EIF5: variants seen among roughly 807,000 people sequenced by gnomAD.
The protein encoded by EIF5 is eukaryotic translation initiation factor 5.
EIF5 carries 10 observed loss-of-function variants against 48.3 expected under a neutral mutation model. The observed-to-expected ratio is 0.21, with a 90% CI of 0.13 to 0.35. EIF5 has a LOEUF of 0.35. Ranked by LOEUF, EIF5 falls within the 10% of genes least tolerant of loss-of-function variation. The pLI is 1.00. For missense variants in EIF5, 397 were observed against 533.2 expected, an observed-to-expected ratio of 0.74 and a Z score of 2.51; for synonymous variants, 237 against 173.1, an observed-to-expected ratio of 1.37 and a Z score of -2.90.
Position 103,335,781 on chromosome 14 carries a change from T to G in EIF5, c.-80T>G. On this transcript the variant is annotated 5_prime_UTR_variant, in exon 3 of 12. Coordinates refer to ENST00000216554, the MANE Select transcript of EIF5 (RefSeq NM_001969.5). ...CTCTTGCAGTCGTTTATGTCATCCC[T>G]TCTTCTCCAGACAGAAGATACCAAA... 1.0e-5 allele frequency: 14 copies of G among 1,393,428 alleles called. No homozygotes were observed. Among genetic ancestry groups the G allele is most frequent in the Non-Finnish European group, 1.4e-5 (14 of 994,020 alleles). 86.3% of individuals were successfully genotyped at this position (1,393,428 alleles called of 1,614,324 possible).
At chr14:103,340,268 C>G (rs2089337680) in intron 10 of EIF5, 159 bp from the exon 11 acceptor site, 2 of 740,962 alleles carry the variant, frequency 2.7e-6, no homozygotes, top group Non-Finnish European at 4.5e-6. Context: ...GTAGTCATAA[C>G]AGACTGCTGA....
At chr14:103,340,864 C>T in intron 11 of EIF5, 99 bp from the exon 12 acceptor site, 2 of 1,178,312 alleles carry the variant, frequency 1.7e-6, no homozygotes, top group Non-Finnish European at 1.2e-6. Flanking sequence ...GAAATAGCTG[C>T]ATCTAGGCAG....
Position 103,337,147 on chromosome 14 carries a change from A to G in EIF5, c.359A>G (p.Asn120Ser). 6.2e-7 allele frequency: 1 copy of G among 1,612,382 alleles called. No individual in the cohort carries two copies. The highest frequency in any genetic ancestry group is 1.1e-5 in the South Asian group (1 of 90,510). ...HVNPKKQTIG[N>S]SCKACGYRGM... is the part of the protein sequence containing the mutation. ...AATCCAAAGAAGCAAACAATAGGTA[A>G]TTCTTGTAAAGCCTGTGGCTATCGA... The change falls in exon 6 of 12, where the codon AAT (asparagine) becomes AGT (serine). Residue 120 changes from asparagine to serine, a missense_variant. Coordinates refer to ENST00000216554, the MANE Select transcript of EIF5 (RefSeq NM_001969.5).
Position 103,342,972 on chromosome 14 carries a change from G to A in EIF5, c.*1920G>A, listed in dbSNP as rs1357220786. On this transcript the variant is annotated 3_prime_UTR_variant, in exon 12 of 12. Coordinates refer to ENST00000216554, the MANE Select transcript of EIF5 (RefSeq NM_001969.5). ...TTAATCTGAGGGAAAACATGTTCAG[G>A]GCTTCTAGAACACTAAAAAATTTGG... The A allele has an allele frequency of 6.6e-6, 1 of 152,510 alleles. No homozygotes were observed. The highest frequency in any genetic ancestry group is 1.5e-5 in the Non-Finnish European group (1 of 68,018). 9.4% of individuals were successfully genotyped at this position (152,510 alleles called of 1,614,324 possible).
chr14:103,336,278 G>A, intron 4 of EIF5, 161 bp downstream of exon 4: 1 of 775,282 alleles, frequency 1.3e-6, no homozygotes, highest in South Asian at 1.8e-5. Context: ...AACTACCAGG[G>A]GAACGCATTT....
chr14:103,337,572 A>T, intron 6 of EIF5: 10 of 339,008 alleles, frequency 2.9e-5, no homozygotes, highest in Middle Eastern at 9.8e-4. Context: ...ACTGCACTCC[A>T]GCTTGGGCAA....
chr14:103,338,101 C>G (rs536617634), intron 6 of EIF5: 1 of 676,250 alleles, frequency 1.5e-6, no homozygotes, highest in East Asian at 2.7e-5. Context: ...TTAGCAGTTA[C>G]AATACCCCTA....
chr14:103,335,470 C>A, intron 2 of EIF5, 183 bp from the exon 3 acceptor site: 1 of 191,742 alleles, frequency 5.2e-6, no homozygotes, highest in Non-Finnish European at 1.1e-5. Flanking sequence ...AAATGGAGGC[C>A]TTTTTATGTT....
intron 10 of EIF5, 143 bp downstream of exon 10, chr14:103,339,946 C>A: frequency 1.0e-6 from 1 of 965,604 alleles, no homozygotes; most frequent in Non-Finnish European, 1.5e-6. Context: ...GAAACCTCCA[C>A]GTCCCGGCTT....
At chr14:103,340,727 G>A (rs1183382274) in intron 11 of EIF5, among the ~76,000 whole-genome samples, 166 bp downstream of exon 11, 2 of 151,914 alleles carry the variant, frequency 1.3e-5, no homozygotes, top group Non-Finnish European at 2.9e-5. Context: ...TAATAGAAAG[G>A]GTGATGGAAA....
chr14:103,344,351 T>C lies in EIF5; in HGVS notation c.*3299T>C, dbSNP rs576391011. On this transcript the variant is annotated 3_prime_UTR_variant, in exon 12 of 12. Coordinates refer to ENST00000216554, the MANE Select transcript of EIF5 (RefSeq NM_001969.5). Reference sequence around the variant, plus strand: ...TGTGCTGGGATATGAGAATAGAAGCTACAGAGTTCTTTTCTTGGGACCTAG... The same window carrying C: ...TGTGCTGGGATATGAGAATAGAAGCCACAGAGTTCTTTTCTTGGGACCTAG... The C allele has an allele frequency of 2.6e-5, 4 of 152,332 alleles. No homozygotes were observed. The South Asian group carries it at 8.3e-4, about 32-fold the overall frequency. The allele number at this position is 152,332 out of a possible 1,614,324, so 9.4% of individuals were successfully genotyped here. A position where few individuals can be genotyped will look rare whatever the true frequency, so the allele number is the denominator to read the frequency against.
chr14:103,335,730 A>T lies in EIF5; in HGVS notation c.-131A>T. On this transcript the variant is annotated 5_prime_UTR_variant, in exon 3 of 12. Transcript: ENST00000216554. Reference sequence around the variant, plus strand: ...AGAAGCTTACAGCCTCAGTGGCGAAAATTTTTTCATGTCAGAGACCGAGAA... The same window carrying T: ...AGAAGCTTACAGCCTCAGTGGCGAATATTTTTTCATGTCAGAGACCGAGAA... 1 of 1,083,490 alleles carries T rather than the reference A, an allele frequency of 9.2e-7. No homozygotes were observed. Among genetic ancestry groups the T allele is most frequent in the African/African-American group, 1.6e-5 (1 of 62,888 alleles). The allele number at this position is 1,083,490 out of a possible 1,614,324, so 67.1% of individuals were successfully genotyped here.
At chr14:103,338,148 T>C (rs2089311400) in intron 6 of EIF5, 179 bp from the exon 7 acceptor site, 8 of 858,222 alleles carry the variant, frequency 9.3e-6, no homozygotes, top group Non-Finnish European at 1.5e-5. Flanking sequence ...CTAACATTCT[T>C]ACGTATGAAA....
intron 6 of EIF5, chr14:103,338,060 T>C: frequency 3.4e-6 from 2 of 586,308 alleles, no homozygotes; most frequent in Non-Finnish European, 6.3e-6. Flanking sequence ...CTCTCCCTAG[T>C]GGAGGCATCA....
chr14:103,335,548 G>T, intron 2 of EIF5, 105 bp from the exon 3 acceptor site: 1 of 412,814 alleles, frequency 2.4e-6, no homozygotes, highest in South Asian at 3.0e-5. Flanking sequence ...TTTTAAGGTG[G>T]AGTTAAGCAG....
rs1000854467 is a variant in EIF5, at chr14:103,334,479, G to T, written c.-327G>T. ...CTCGGCGGCGGCACCTGGCCCGGCC[G>T]CTCCTCGCTGCGCTTCGCCTCCGCC... is the stretch of plus-strand genomic sequence containing the variant. On this transcript the variant is annotated 5_prime_UTR_variant, in exon 2 of 12. Coordinates refer to ENST00000216554, the MANE Select transcript of EIF5 (RefSeq NM_001969.5). 6.6e-6 allele frequency: 1 copy of T among 151,486 alleles called. No individual in the cohort carries two copies. The highest frequency in any genetic ancestry group is 1.5e-5 in the Non-Finnish European group (1 of 67,966). 9.4% of individuals were successfully genotyped at this position (151,486 alleles called of 1,614,324 possible). A position where few individuals can be genotyped will look rare whatever the true frequency, so the allele number is the denominator to read the frequency against.
In EIF5 at chr14:103,338,716, G is replaced by C; in HGVS notation, c.586-19G>C. On this transcript the variant is annotated intron_variant, in intron 7 of 11. Transcript: ENST00000216554. ...TGTTTTTAAGGCCTTTGATCAAGTA[G>C]CTCTGTTTTCATAAACAGGAAGAAG... 1 of 1,610,760 alleles carries C rather than the reference G, an allele frequency of 6.2e-7. No individual in the cohort carries two copies.
At position 103,339,770 on chromosome 14, in the gene EIF5, A is replaced by G. The variant is rs778513411; in HGVS notation, c.1038A>G (p.Leu346=). 4.3e-6 allele frequency: 7 copies of G among 1,614,086 alleles called. No individual in the cohort carries two copies. The highest frequency in any genetic ancestry group is 1.3e-5 in the African/African-American group (1 of 74,926). The change falls in exon 10 of 12, where the codon TTA becomes TTG. Residue 346 remains leucine, a synonymous_variant. Coordinates refer to ENST00000216554, the MANE Select transcript of EIF5 (RefSeq NM_001969.5). Reference sequence around the variant, plus strand: ...AGGAGATGTACGATGCAGACCTTTTAGAAGAAGAGGTCATCATCAGCTGGT... The same window carrying G: ...AGGAGATGTACGATGCAGACCTTTTGGAAGAAGAGGTCATCATCAGCTGGT... ...ILKEMYDADL[L]EEEVIISWSE... is the part of the protein sequence containing the mutation.
At chr14:103,336,217 C>G in intron 4 of EIF5, 100 bp downstream of exon 4, 2 of 1,195,928 alleles carry the variant, frequency 1.7e-6, no homozygotes, top group East Asian at 2.5e-5. Flanking sequence ...AGCTAATTAC[C>G]TTACAAGTTA....
Sources: gnomAD v4.1 joint callset for allele counts (sites outside exome capture counted in the v4.1 genomes callset) on GRCh38, gnomAD v4.1.1 for gene constraint, MANE v1.5 for transcripts, NCBI Gene and HGNC (gene_info 2026-07-23, HGNC 2026-07-21) for gene names.